The following PXDN variants were observed in gnomAD, a reference collection of about 807,000 sequenced individuals.
The protein encoded by PXDN is peroxidasin homolog.
A neutral mutation model predicts 140.3 loss-of-function variants in PXDN; 77 were observed. The ratio of observed to expected loss-of-function variants is 0.55; its 90% CI spans 0.46 to 0.66. PXDN has a LOEUF of 0.66. Among genes scored for constraint, PXDN ranks in the 30% least tolerant of loss-of-function variants. The probability of loss-of-function intolerance (pLI) is 0.00; values close to 1 mark genes in which losing one functional copy is unlikely to be tolerated. For missense variants in PXDN, 1,838 were observed against 2,039.5 expected (o/e 0.90, Z 1.90); for synonymous variants, 911 against 857.4 (o/e 1.06, Z -1.09).
chr2:1,728,515 C>A (rs1410968781), intron 1 of PXDN, among the ~76,000 whole-genome samples: 1 of 152,258 alleles, frequency 6.6e-6, no homozygotes, highest in Non-Finnish European at 1.5e-5. Context: ...TCACCTGATA[C>A]CCAGGTCCAC....
At chr2:1,680,156 G>A in intron 7 of PXDN, 37 bp downstream of exon 7, 1 of 1,505,226 alleles carries the variant, frequency 6.6e-7, no homozygotes, top group Non-Finnish European at 8.9e-7. Flanking sequence ...TAGATGGTGT[G>A]AGTGTGTGGA....
At chr2:1,704,663 A>AG (rs200580512) in intron 1 of PXDN, among the ~76,000 whole-genome samples, 1 of 71,720 alleles carries the variant, frequency 1.4e-5, no homozygotes, top group African/African-American at 5.5e-5. Flanking sequence ...CTCCAGGTGA[A>AG]GGGGGGGCAA....
rs772534208 is a variant in PXDN at position 1,644,610 on chromosome 2, G to C, written c.3743+8C>G. ...GAGCGTGCTCCCCTTTCTGGTGCAC[G>C]TGCTCACCTGTCCCCATCTCGCAGG... On this transcript the variant is annotated splice_region_variant and intron_variant, in intron 18 of 22. Coordinates refer to ENST00000252804, the MANE Select transcript of PXDN (RefSeq NM_012293.3). 1 of 1,588,472 alleles carries C rather than the reference G, an allele frequency of 6.3e-7. No homozygotes were observed. Among genetic ancestry groups the C allele is most frequent in the Admixed American group, 1.7e-5 (1 of 58,472 alleles).
At chr2:1,722,817 G>C (rs547184749) in intron 1 of PXDN, among the ~76,000 whole-genome samples, 209 of 152,346 alleles carry the variant, frequency 1.4e-3, no homozygotes, top group African/African-American at 4.7e-3. Context: ...GCAGGGCACG[G>C]TGTGCCTCAC....
rs1190897627 is a variant in PXDN, at chr2:1,663,735, G to A, written c.1437C>T (p.His479=). ...GGSQLSVDRR[H]LVLSSGTLRI... Reference sequence around the variant, plus strand: ...TAAGTGTTCCCGATGACAGGACCAGGTGCCGCCGGTCCACGGAGAGCTGGC... The same window carrying A: ...TAAGTGTTCCCGATGACAGGACCAGATGCCGCCGGTCCACGGAGAGCTGGC... Residue 479 remains histidine (H), a synonymous_variant, in exon 12 of 23, where the codon CAC becomes CAT. Coordinates refer to ENST00000252804, the MANE Select transcript of PXDN (RefSeq NM_012293.3). 5 of 1,613,210 alleles carry A rather than the reference G, an allele frequency of 3.1e-6. No homozygotes were observed. Among genetic ancestry groups the A allele is most frequent in the South Asian group, 2.2e-5 (2 of 91,074 alleles).
intron 1 of PXDN, among the ~76,000 whole-genome samples, chr2:1,713,818 C>G (rs1030791464): frequency 1.3e-5 from 2 of 152,262 alleles, no homozygotes; most frequent in African/African-American, 4.8e-5. Context: ...AGCACTGCAT[C>G]TCCCCGTAAG....
rs745350263 is a variant in PXDN, at chr2:1,666,343, G to A, written c.1162C>T (p.Arg388Trp). The stretch of plus-strand genomic sequence containing the variant: ...CCGCCAGAAGGCGTGATGTTCACCC[G>A]CGGGTCAACTGGCAAGGGTGTGCGG... ...GDRTPLPVDP[R>W]VNITPSGGLY... The change falls in exon 10 of 23, where the codon CGG (arginine) becomes TGG (tryptophan). Residue 388 changes from arginine to tryptophan, a missense_variant. Arg to Trp is a moderately radical substitution (Grantham distance 101). This residue lies in a region of PXDN where 208 missense variants were observed against 325.8 expected (regional missense o/e 0.64). Transcript: ENST00000252804. The A allele has an allele frequency of 4.3e-6, 7 of 1,614,018 alleles. No individual in the cohort carries two copies. The highest frequency in any genetic ancestry group is 2.2e-5 in the East Asian group (1 of 44,880).
chr2:1,680,616 G>T (rs561587000), intron 6 of PXDN, among the ~76,000 whole-genome samples: 1 of 152,214 alleles, frequency 6.6e-6, no homozygotes, highest in Non-Finnish European at 1.5e-5. Context: ...CCGTAGAGGC[G>T]TGAGTAGCAT....
intron 1 of PXDN, among the ~76,000 whole-genome samples, chr2:1,725,285 T>A (rs1327716516): frequency 6.6e-6 from 1 of 152,174 alleles, no homozygotes; most frequent in Non-Finnish European, 1.5e-5. Context: ...TATATAGGAA[T>A]GAACAGAGGC....
chr2:1,725,029 G>C (rs1685144611), intron 1 of PXDN, among the ~76,000 whole-genome samples: 1 of 152,140 alleles, frequency 6.6e-6, no homozygotes, highest in Non-Finnish European at 1.5e-5. Flanking sequence ...TGTTTCTTCA[G>C]TCTTTTCCCA....
At chr2:1,700,828 T>G (rs138194667) in intron 1 of PXDN, among the ~76,000 whole-genome samples, 1,670 of 152,242 alleles carry the variant, frequency 0.011, 20 homozygotes, top group African/African-American at 0.038. Context: ...TGAGCTGAGA[T>G]GGAGCCACTA....
Position 1,639,157 on chromosome 2 carries a change from C to T in PXDN, c.4073+145G>A, listed in dbSNP as rs1370692503. Reference sequence around the variant, plus strand: ...AGTGGGCAGCACAGCAGGACGCAGGCTGCGGCCTGGCCCCCAGTGCCCTGG... The same window carrying T: ...AGTGGGCAGCACAGCAGGACGCAGGTTGCGGCCTGGCCCCCAGTGCCCTGG... On this transcript the variant is annotated intron_variant, in intron 20 of 22. Coordinates refer to ENST00000252804, the MANE Select transcript of PXDN (RefSeq NM_012293.3). This position sits in a 1 kb window ranked among gnomAD's most constrained non-coding sequence, Gnocchi z 5.0. The T allele has an allele frequency of 4.0e-6, 6 of 1,486,004 alleles. No homozygotes were observed. The highest frequency in any genetic ancestry group is 5.4e-6 in the Non-Finnish European group (6 of 1,102,948). 92.1% of individuals were successfully genotyped at this position (1,486,004 alleles called of 1,614,324 possible).
chr2:1,726,456 C>G (rs983393385), intron 1 of PXDN, among the ~76,000 whole-genome samples: 9 of 149,918 alleles, frequency 6.0e-5, no homozygotes, highest in African/African-American at 2.3e-4. Flanking sequence ...GGAGGGATAG[C>G]TTTAGGAGAT....
intron 6 of PXDN, among the ~76,000 whole-genome samples, chr2:1,681,669 C>T (rs1054337615): frequency 4.6e-5 from 7 of 152,232 alleles, no homozygotes; most frequent in Non-Finnish European, 7.3e-5. Flanking sequence ...CCCTTTCCCC[C>T]GTGAGCAGGT....
intron 14 of PXDN, among the ~76,000 whole-genome samples, chr2:1,659,992 G>A (rs1309205459): frequency 2.0e-5 from 3 of 152,168 alleles, no homozygotes; most frequent in African/African-American, 7.2e-5. Flanking sequence ...CAGCGCCTGC[G>A]GGGAGTGGGG....
At chr2:1,730,073 A>G (rs539077614) in intron 1 of PXDN, among the ~76,000 whole-genome samples, 4 of 152,258 alleles carry the variant, frequency 2.6e-5, no homozygotes, top group Admixed American at 6.5e-5. Context: ...ACTGCTACGT[A>G]CTACACACGC....
At chr2:1,726,749 G>T (rs1314844354) in intron 1 of PXDN, among the ~76,000 whole-genome samples, 4 of 152,096 alleles carry the variant, frequency 2.6e-5, no homozygotes, top group Non-Finnish European at 5.9e-5. Context: ...CCTATAGGGT[G>T]CCTTTTCATC....
At chr2:1,713,728 A>G (rs1244975369) in intron 1 of PXDN, among the ~76,000 whole-genome samples, 4 of 152,210 alleles carry the variant, frequency 2.6e-5, no homozygotes, top group Non-Finnish European at 5.9e-5. Flanking sequence ...GGGGGCACAG[A>G]CTGAGGGGCG....
At chr2:1,689,566 T>A (rs1344261223) in intron 3 of PXDN, among the ~76,000 whole-genome samples, 3 of 152,146 alleles carry the variant, frequency 2.0e-5, no homozygotes, top group Non-Finnish European at 4.4e-5. Context: ...GTGGATCACT[T>A]GAGGTCAGGA....
Sources: allele counts gnomAD v4.1 joint callset (sites outside exome capture counted in the v4.1 genomes callset), GRCh38; gene constraint gnomAD v4.1.1; regional missense constraint gnomAD v4.1.1; non-coding constraint Gnocchi (gnomAD v3.1); transcripts MANE v1.5; gene names NCBI Gene and HGNC (gene_info 2026-07-23, HGNC 2026-07-21).